The following HYDIN variants were observed in gnomAD, a reference collection of about 807,000 sequenced individuals.
HYDIN encodes the protein HYDIN axonemal central pair apparatus protein.
HYDIN carries 132 observed loss-of-function variants against 403.9 expected under a neutral mutation model. The ratio of observed to expected loss-of-function variants is 0.33; its 90% CI spans 0.28 to 0.38. HYDIN has a LOEUF of 0.38. Ranked by LOEUF, HYDIN falls within the 10% of genes least tolerant of loss-of-function variation. The probability of loss-of-function intolerance (pLI) is 1.00; values close to 1 mark genes in which losing one functional copy is unlikely to be tolerated. For synonymous variants in HYDIN, 1,202 were observed against 1,891.7 expected, an observed-to-expected ratio of 0.64 and a Z score of 9.46; for missense variants, 2,827 against 5,009.5, an observed-to-expected ratio of 0.56 and a Z score of 13.15.
At chr16:71,160,203 T>C (rs1268109755) in intron 6 of HYDIN, among the ~76,000 whole-genome samples, 1 of 135,202 alleles carries the variant, frequency 7.4e-6, no homozygotes, top group Non-Finnish European at 1.5e-5. Context: ...CTCATACCAT[T>C]CCAAAACAAA....
At chr16:70,809,703 C>T (rs1181833790) in intron 85 of HYDIN, 80 bp downstream of exon 85, 2 of 1,113,514 alleles carry the variant, frequency 1.8e-6, no homozygotes, top group African/African-American at 1.5e-5. Flanking sequence ...CACATTCATG[C>T]TCCCTGTGTC....
At chr16:71,127,100 T>C (rs553432017) in intron 9 of HYDIN, among the ~76,000 whole-genome samples, 1 of 152,354 alleles carries the variant, frequency 6.6e-6, no homozygotes, top group African/African-American at 2.4e-5. Flanking sequence ...AATAAAGAAT[T>C]CATTATAACT....
At chr16:71,100,031 G>A in intron 10 of HYDIN, among the ~76,000 whole-genome samples, 1 of 151,918 alleles carries the variant, frequency 6.6e-6, no homozygotes, top group East Asian at 1.9e-4. Context: ...AAATAAACAA[G>A]AGAGTAAGAT....
rs957235251 is a variant in HYDIN, at chr16:70,802,664, T to C, written c.*4916A>G. 7 of 152,198 alleles carry C rather than the reference T, an allele frequency of 4.6e-5. No homozygotes were observed. Among genetic ancestry groups the C allele is most frequent in the Admixed American group, 4.6e-4 (7 of 15,286 alleles). The allele number at this position is 152,198 out of a possible 1,614,324, so 9.4% of individuals were successfully genotyped here. The stretch of plus-strand genomic sequence containing the variant: ...CAGTTCACACTGGGCTCTCAACCCA[T>C]GGAAACTGTGAGATAATAAATTTGT... On this transcript the variant is annotated 3_prime_UTR_variant, in exon 86 of 86. Coordinates refer to ENST00000393567, the MANE Select transcript of HYDIN (RefSeq NM_001270974.2).
chr16:70,938,831 G>A, intron 43 of HYDIN, 76 bp from the exon 44 acceptor site: 1 of 1,522,308 alleles, frequency 6.6e-7, no homozygotes, highest in Non-Finnish European at 9.0e-7. Flanking sequence ...AGGCGGAGTA[G>A]GGTCTTAGTG....
At chr16:70,953,347 G>A (rs561790529) in intron 40 of HYDIN, among the ~76,000 whole-genome samples, 1 of 152,210 alleles carries the variant, frequency 6.6e-6, no homozygotes, top group Non-Finnish European at 1.5e-5. Context: ...ACATGGGGTC[G>A]GGGCAGACAA....
At chr16:71,005,032 T>A (rs947194002) in intron 23 of HYDIN, among the ~76,000 whole-genome samples, 134 of 152,354 alleles carry the variant, frequency 8.8e-4, no homozygotes, top group Middle Eastern at 6.8e-3. Flanking sequence ...TGTTTACTTG[T>A]TTGTTTCTTG....
intron 23 of HYDIN, among the ~76,000 whole-genome samples, chr16:71,002,679 ATTT>A (rs11427002): frequency 7.7e-6 from 1 of 130,700 alleles, no homozygotes; most frequent in Non-Finnish European, 1.6e-5. Context: ...TTTGGAATTA[ATTT>A]TTTTTTTTTT....
chr16:71,006,743 G>T (rs375066642), intron 23 of HYDIN, among the ~76,000 whole-genome samples: 1 of 151,832 alleles, frequency 6.6e-6, no homozygotes, highest in African/African-American at 2.4e-5. Flanking sequence ...GGCAGCAGGC[G>T]TCTCTTCACC....
chr16:70,865,914 C>A (rs1030446439), intron 67 of HYDIN, among the ~76,000 whole-genome samples: 4 of 152,212 alleles, frequency 2.6e-5, no homozygotes. Context: ...ACTGCTCCCA[C>A]TAAAGTGGAT....
At chr16:71,175,503 C>T (rs1198256032) in intron 5 of HYDIN, 104 bp downstream of exon 5, 24 of 1,172,464 alleles carry the variant, frequency 2.0e-5, no homozygotes, top group Non-Finnish European at 2.6e-5. Flanking sequence ...AATACCACCA[C>T]CACCACCACC....
At chr16:70,896,648 G>T (rs1332381198) in intron 53 of HYDIN, among the ~76,000 whole-genome samples, 2 of 146,110 alleles carry the variant, frequency 1.4e-5, no homozygotes, top group African/African-American at 5.1e-5. Flanking sequence ...GAGCCATCAT[G>T]CCCAACTGTT....
Position 70,902,838 on chromosome 16 carries a change from T to G in HYDIN, c.8849+787A>C, listed in dbSNP as rs1449336481. On this transcript the variant is annotated intron_variant, in intron 52 of 85. Coordinates refer to ENST00000393567, the MANE Select transcript of HYDIN (RefSeq NM_001270974.2). ...ATATATATATTTTTTTTTTTTTTTT[T>G]GTCCCACTCTCTCTCTTTTCCTTCT... is the stretch of plus-strand genomic sequence containing the variant. 1.5e-4 allele frequency among the ~76,000 whole-genome samples: 17 copies of G among 114,210 alleles called. 1 individual carries two copies. The highest frequency in any genetic ancestry group is 1.2e-3 in the Admixed American group (14 of 11,998). 74.9% of individuals were successfully genotyped at this position (114,210 alleles called of 152,430 possible). A position where few individuals can be genotyped will look rare whatever the true frequency, so the allele number is the denominator to read the frequency against.
intron 18 of HYDIN, among the ~76,000 whole-genome samples, chr16:71,053,501 T>C (rs999154887): frequency 2.0e-5 from 3 of 152,000 alleles, no homozygotes; most frequent in Non-Finnish European, 4.4e-5. Context: ...ACTAGATTTA[T>C]AGGCATTAAC....
chr16:70,887,393 G>C (rs1597226588), intron 58 of HYDIN, among the ~76,000 whole-genome samples: 2 of 151,202 alleles, frequency 1.3e-5, no homozygotes, highest in East Asian at 3.9e-4. Flanking sequence ...GATGTGAGAA[G>C]GATTCGATCC....
In HYDIN at chr16:70,950,885, A is replaced by G. The variant is rs527875604; in HGVS notation, c.6531+1536T>C. ...TATAAGAGCACACCCCCTCTCCTCA[A>G]TGATGACATTCTTCTCTCTCCACTC... On this transcript the variant is annotated intron_variant, in intron 41 of 85. Coordinates refer to ENST00000393567, the MANE Select transcript of HYDIN (RefSeq NM_001270974.2). 3.3e-5 allele frequency among the ~76,000 whole-genome samples: 5 copies of G among 152,168 alleles called. No individual in the cohort carries two copies. The East Asian group carries it at 5.8e-4, about 18-fold the overall frequency.
intron 38 of HYDIN, among the ~76,000 whole-genome samples, chr16:70,961,714 C>G (rs1421678408): frequency 6.6e-6 from 1 of 151,896 alleles, no homozygotes; most frequent in Non-Finnish European, 1.5e-5. Flanking sequence ...TTCATTTAGT[C>G]TAGTTGAAAC....
At position 70,863,148 on chromosome 16, in the gene HYDIN, C is replaced by T; in HGVS notation, c.11506G>A (p.Glu3836Lys). ...GTATCTTCTGAGACCCAGCTGAATT[C>T]CAGCTGGACACGTCCTGAATTAATC... ...DVINSGRVQL[E>K]FSWVSEDTSK... is the part of the protein sequence containing the mutation. Residue 3836 changes from glutamate (E) to lysine (K), a missense_variant, in exon 68 of 86, where the codon GAA becomes AAA. Glu to Lys is a moderately conservative substitution (Grantham distance 56). Coordinates refer to ENST00000393567, the MANE Select transcript of HYDIN (RefSeq NM_001270974.2). 8 of 1,613,972 alleles carry T rather than the reference C, an allele frequency of 5.0e-6. No homozygotes were observed. The highest frequency in any genetic ancestry group is 2.2e-5 in the South Asian group (2 of 91,052).
chr16:71,202,075 A>T (rs1348102666), intron 1 of HYDIN, among the ~76,000 whole-genome samples: 1 of 152,222 alleles, frequency 6.6e-6, no homozygotes, highest in African/African-American at 2.4e-5. Flanking sequence ...TCTATCTTAT[A>T]TGCCTTTGAT....
Sources: allele counts gnomAD v4.1 joint callset (sites outside exome capture counted in the v4.1 genomes callset), GRCh38; gene constraint gnomAD v4.1.1; transcripts MANE v1.5; gene names NCBI Gene and HGNC (gene_info 2026-07-23, HGNC 2026-07-21).